Variants in MGRN1 observed in about 807,000 individuals in gnomAD.
The protein encoded by MGRN1 is E3 ubiquitin-protein ligase MGRN1.
In MGRN1, 29 loss-of-function variants were observed where a neutral mutation model predicts 69.2. The observed-to-expected ratio is 0.42, with a 90% confidence interval of 0.31 to 0.57. The LOEUF is 0.57. Among genes scored for constraint, MGRN1 ranks in the 20% least tolerant of loss-of-function variants. The pLI is 0.15. For synonymous variants in MGRN1, 470 were observed against 344.2 expected (o/e 1.37, Z -4.04); for missense variants, 998 against 796.2 (o/e 1.25, Z -3.05).
In MGRN1 at chr16:4,690,107, C is replaced by T. The variant is rs937670805; in HGVS notation, c.*1199C>T. Reference sequence around the variant, plus strand: ...ATTTGGTTTGTTCTGTCTCAGGCTTCTGTGGCAGGACTGGCCCAGGGAGGA... The same window carrying T: ...ATTTGGTTTGTTCTGTCTCAGGCTTTTGTGGCAGGACTGGCCCAGGGAGGA... On this transcript the variant is annotated 3_prime_UTR_variant, in exon 17 of 17. Transcript: ENST00000262370. The T allele has an allele frequency of 6.6e-6, 1 of 152,410 alleles. No homozygotes were observed. The highest frequency in any genetic ancestry group is 1.5e-5 in the Non-Finnish European group (1 of 68,170). 9.4% of individuals were successfully genotyped at this position (152,410 alleles called of 1,614,324 possible).
rs1033131740 is a variant in MGRN1, at chr16:4,689,250, G to A, written c.*342G>A. The A allele has an allele frequency of 7.5e-5, 19 of 254,514 alleles. No individual in the cohort carries two copies. Among genetic ancestry groups the A allele is most frequent in the South Asian group, 3.8e-4 (3 of 7,812 alleles). The allele number at this position is 254,514 out of a possible 1,614,324, so 15.8% of individuals were successfully genotyped here. A position where few individuals can be genotyped will look rare whatever the true frequency, so the allele number is the denominator to read the frequency against. On this transcript the variant is annotated 3_prime_UTR_variant, in exon 17 of 17. Coordinates refer to ENST00000262370, the MANE Select transcript of MGRN1 (RefSeq NM_015246.4). ...GCTCTGCCTGCTCCTGCAACAGTGC[G>A]GTCCCTGCCCGGAGAACTCAGGAGG...
intron 1 of MGRN1, among the ~76,000 whole-genome samples, chr16:4,626,308 C>T (rs1396057210): frequency 6.6e-6 from 1 of 152,196 alleles, no homozygotes; most frequent in Non-Finnish European, 1.5e-5. Context: ...TCAGCCTGGC[C>T]TTTGGGTGGT....
At chr16:4,666,090 A>G (rs908930220) in intron 7 of MGRN1, among the ~76,000 whole-genome samples, 10 of 151,220 alleles carry the variant, frequency 6.6e-5, no homozygotes, top group Non-Finnish European at 1.3e-4. Flanking sequence ...CGGCCTCCCA[A>G]AGTGCTTGGA....
intron 1 of MGRN1, among the ~76,000 whole-genome samples, chr16:4,635,333 C>G (rs1432370963): frequency 1.3e-5 from 2 of 152,122 alleles, no homozygotes; most frequent in African/African-American, 4.8e-5. Flanking sequence ...GGGAGAATCT[C>G]TTGAAACCAG....
At chr16:4,647,414 C>T (rs1156234180) in intron 1 of MGRN1, among the ~76,000 whole-genome samples, 1 of 152,192 alleles carries the variant, frequency 6.6e-6, no homozygotes, top group Non-Finnish European at 1.5e-5. Context: ...ATGTTCAAGG[C>T]CCAGGTAATC....
At position 4,679,077 on chromosome 16, in the gene MGRN1, G is replaced by A. The variant is rs1008112069; in HGVS notation, c.1066-955G>A. Among the ~76,000 whole-genome samples, 64 of 152,294 alleles carry A rather than the reference G, an allele frequency of 4.2e-4. 1 individual carries two copies. The highest frequency in any genetic ancestry group is 4.2e-3 in the Admixed American group (64 of 15,298). ...CCAGGCCCTCTAGGCCCCTACCATC[G>A]TGGGGCTCCTGGCACCACGCTCTCC... On this transcript the variant is annotated intron_variant, in intron 11 of 16. Coordinates refer to ENST00000262370, the MANE Select transcript of MGRN1 (RefSeq NM_015246.4).
chr16:4,660,764 C>T (rs891190917), intron 5 of MGRN1, among the ~76,000 whole-genome samples: 4 of 132,716 alleles, frequency 3.0e-5, no homozygotes, highest in Non-Finnish European at 5.3e-5. Context: ...GGGACGATGA[C>T]TCCTGTGTGG....
chr16:4,676,446 T>C (rs1256585568), intron 10 of MGRN1, among the ~76,000 whole-genome samples: 2 of 152,172 alleles, frequency 1.3e-5, no homozygotes, highest in Non-Finnish European at 2.9e-5. Flanking sequence ...AATTCTGGAA[T>C]CTTCAGGTGT....
chr16:4,655,470 G>A (rs979003589), intron 4 of MGRN1, among the ~76,000 whole-genome samples: 2 of 152,128 alleles, frequency 1.3e-5, no homozygotes, highest in African/African-American at 4.8e-5. Flanking sequence ...TCACAGAGCA[G>A]GAACAGCTCC....
chr16:4,681,450 A>G (rs1162146448), intron 12 of MGRN1, 100 bp from the exon 13 acceptor site: 23 of 1,158,284 alleles, frequency 2.0e-5, no homozygotes, highest in Non-Finnish European at 2.5e-5. Flanking sequence ...GGGAGTCTCA[A>G]TCCCCCAAAG....
At chr16:4,686,868 C>A in intron 16 of MGRN1, 1 of 985,630 alleles carries the variant, frequency 1.0e-6, no homozygotes. Flanking sequence ...GAATGCGCCC[C>A]GATTGGGAGA....
chr16:4,653,257 G>T (rs1243805710), intron 4 of MGRN1, among the ~76,000 whole-genome samples: 1 of 152,184 alleles, frequency 6.6e-6, no homozygotes, highest in Non-Finnish European at 1.5e-5. Flanking sequence ...TTGGTTTATT[G>T]TAAAGGATTC....
At chr16:4,678,570 GAT>G (rs1239089939) in intron 11 of MGRN1, among the ~76,000 whole-genome samples, 1 of 152,142 alleles carries the variant, frequency 6.6e-6, no homozygotes, top group Admixed American at 6.5e-5. Context: ...GGGTGAGAGA[GAT>G]GTGGAGAGAC....
At chr16:4,667,890 T>G (rs978672474) in intron 7 of MGRN1, among the ~76,000 whole-genome samples, 5 of 152,172 alleles carry the variant, frequency 3.3e-5, no homozygotes, top group Non-Finnish European at 7.3e-5. Context: ...TCTGTCTTGA[T>G]TCTTGCTGCC....
intron 4 of MGRN1, among the ~76,000 whole-genome samples, 154 bp from the exon 5 acceptor site, chr16:4,657,092 C>A (rs951364722): frequency 6.6e-6 from 1 of 152,146 alleles, no homozygotes; most frequent in African/African-American, 2.4e-5. Flanking sequence ...AGGGTGAGGG[C>A]CACGTGGCCA....
intron 8 of MGRN1, 49 bp from the exon 9 acceptor site, chr16:4,671,342 C>T: frequency 6.3e-7 from 1 of 1,591,980 alleles, no homozygotes; most frequent in Non-Finnish European, 8.6e-7. Flanking sequence ...TGGAGGAGCC[C>T]TCATATGGCA....
At chr16:4,679,876 C>A (rs2079139085) in intron 11 of MGRN1, among the ~76,000 whole-genome samples, 156 bp from the exon 12 acceptor site, 1 of 152,174 alleles carries the variant, frequency 6.6e-6, no homozygotes, top group African/African-American at 2.4e-5. Context: ...CCCGAGTCAA[C>A]CCTCACTTAG....
intron 1 of MGRN1, among the ~76,000 whole-genome samples, chr16:4,633,044 C>G (rs1208075499): frequency 1.3e-5 from 2 of 152,144 alleles, no homozygotes; most frequent in African/African-American, 4.8e-5. Flanking sequence ...GATTGCCCCA[C>G]TGTACTCCAG....
rs2079271365 is a variant in MGRN1 at position 4,684,830 on chromosome 16, G to C, written c.1618+898G>C. 2.0e-5 allele frequency among the ~76,000 whole-genome samples: 3 copies of C among 152,250 alleles called. 1 individual carries two copies. In the South Asian group the frequency reaches 6.2e-4, roughly 32 times the overall value. On this transcript the variant is annotated intron_variant, in intron 16 of 16. Transcript: ENST00000262370. ...TTTCAGACATGACCCCAGAGCCACT[G>C]CTTAGGGAGTGTGGCTCTTCCCTCG...
Sources: allele counts gnomAD v4.1 joint callset (sites outside exome capture counted in the v4.1 genomes callset), GRCh38; gene constraint gnomAD v4.1.1; transcripts MANE v1.5; gene names NCBI Gene and HGNC (gene_info 2026-07-23, HGNC 2026-07-21).